TSPAN9: variants seen among roughly 807,000 people sequenced by gnomAD.
TSPAN9 encodes the protein tetraspanin 9.
A neutral mutation model predicts 31.0 loss-of-function variants in TSPAN9; 16 were observed. That is an observed-to-expected ratio of 0.52 (90% CI 0.35 to 0.78). TSPAN9 has a LOEUF of 0.78. TSPAN9 is among the 30% of genes least tolerant of loss of function. The pLI is 0.01. For synonymous variants in TSPAN9, 145 were observed against 121.6 expected, an observed-to-expected ratio of 1.19 and a Z score of -1.27; for missense variants, 272 against 312.5, an observed-to-expected ratio of 0.87 and a Z score of 0.98.
chr12:3,185,211 C>T (rs1454206275), intron 2 of TSPAN9, among the ~76,000 whole-genome samples: 4 of 152,118 alleles, frequency 2.6e-5, no homozygotes, highest in Admixed American at 6.5e-5. Context: ...GGAGACGGGG[C>T]GGGAGAAGGG....
At chr12:3,216,286 T>C (rs1298059262) in intron 3 of TSPAN9, among the ~76,000 whole-genome samples, 2 of 152,320 alleles carry the variant, frequency 1.3e-5, no homozygotes, top group Non-Finnish European at 1.5e-5. Context: ...AGCAGCCAGA[T>C]GGCTTTTGCT....
intron 3 of TSPAN9, among the ~76,000 whole-genome samples, chr12:3,230,375 C>T (rs1317783457): frequency 1.3e-5 from 2 of 152,074 alleles, no homozygotes; most frequent in African/African-American, 4.8e-5. Flanking sequence ...AGCCAGGCTT[C>T]CCCCTCCCTT....
intron 2 of TSPAN9, among the ~76,000 whole-genome samples, chr12:3,113,055 G>A (rs1360009350): frequency 1.3e-5 from 2 of 152,088 alleles, no homozygotes; most frequent in African/African-American, 2.4e-5. Flanking sequence ...GGAGCTATTC[G>A]ATGAATATTT....
chr12:3,177,751 A>G lies in TSPAN9; in HGVS notation c.-17-23426A>G, dbSNP rs571043362. On this transcript the variant is annotated intron_variant, in intron 2 of 8. Transcript: ENST00000011898. ...CCCAGCCTTAACCTGCTAGGTAAAC[A>G]GTGATGGCTTGGTTGTTTTAATTTG... Among the ~76,000 whole-genome samples the G allele has an allele frequency of 6.6e-5, 10 of 152,390 alleles. 1 individual carries two copies. In the South Asian group the frequency reaches 2.1e-3, roughly 32 times the overall value.
chr12:3,264,501 G>A (rs918990204), intron 3 of TSPAN9, among the ~76,000 whole-genome samples: 4 of 152,216 alleles, frequency 2.6e-5, no homozygotes, highest in Admixed American at 2.0e-4. Flanking sequence ...GCTGGGGACC[G>A]GCAGGACGGC....
chr12:3,083,220 C>A (rs35896418), intron 1 of TSPAN9, among the ~76,000 whole-genome samples: 17,499 of 152,216 alleles, frequency 0.11, 1,099 homozygotes, highest in Middle Eastern at 0.18. Flanking sequence ...GACCTCATAG[C>A]GTACGCGATG....
intron 2 of TSPAN9, among the ~76,000 whole-genome samples, chr12:3,180,889 TTATTC>T (rs1220679324): frequency 6.6e-6 from 1 of 152,116 alleles, no homozygotes; most frequent in African/African-American, 2.4e-5. Context: ...ATCCACGAAG[TTATTC>T]TATTTTTCTG....
At chr12:3,243,691 G>GT (rs1250750165) in intron 3 of TSPAN9, among the ~76,000 whole-genome samples, 1 of 152,114 alleles carries the variant, frequency 6.6e-6, no homozygotes, top group Non-Finnish European at 1.5e-5. Flanking sequence ...GGGTGACAGC[G>GT]TAGGGGTTGA....
chr12:3,255,270 G>T (rs1478981702), intron 3 of TSPAN9, among the ~76,000 whole-genome samples: 1 of 152,224 alleles, frequency 6.6e-6, no homozygotes, highest in African/African-American at 2.4e-5. Context: ...GCTGTGCATG[G>T]ACCTCATCTG....
At chr12:3,232,009 A>C (rs1040984624) in intron 3 of TSPAN9, among the ~76,000 whole-genome samples, 5 of 152,180 alleles carry the variant, frequency 3.3e-5, no homozygotes, top group Non-Finnish European at 7.3e-5. Flanking sequence ...GGAGGGATTA[A>C]GAGTCTGTAG....
intron 2 of TSPAN9, among the ~76,000 whole-genome samples, chr12:3,158,548 C>T (rs1237142228): frequency 6.6e-6 from 1 of 151,154 alleles, no homozygotes; most frequent in Non-Finnish European, 1.5e-5. Flanking sequence ...ATGGTGAAAT[C>T]CCATCTCTAC....
rs2098387889 is a variant in TSPAN9 at position 3,226,775 on chromosome 12, TATATATATATATATA to T, written c.63+25520_63+25534del. Among the ~76,000 whole-genome samples, 16 of 6,162 alleles carry T rather than the reference TATATATATATATATA, an allele frequency of 2.6e-3. 4 individuals carry two copies. The highest frequency in any genetic ancestry group is 7.6e-3 in the African/African-American group (14 of 1,840). The allele number at this position is 6,162 out of a possible 152,430, so 4.0% of individuals were successfully genotyped here. ...ATATATATATATATATATATATATA[TATATATATATATATA>T]TATATTTTTTTTTTTTTTTCCCTCT... On this transcript the variant is annotated intron_variant, in intron 3 of 8. Coordinates refer to ENST00000011898, the MANE Select transcript of TSPAN9 (RefSeq NM_006675.5).
intron 2 of TSPAN9, among the ~76,000 whole-genome samples, chr12:3,133,993 G>T (rs2098330966): frequency 6.6e-6 from 1 of 152,138 alleles, no homozygotes; most frequent in South Asian, 2.1e-4. Context: ...AGCGCTTAGG[G>T]CTGTTGTGAG....
intron 3 of TSPAN9, among the ~76,000 whole-genome samples, chr12:3,223,611 T>C (rs765350513): frequency 4.7e-4 from 72 of 152,170 alleles, no homozygotes; most frequent in Non-Finnish European, 7.9e-4. Context: ...AGTAAAAAAG[T>C]GAATCTGAGG....
intron 2 of TSPAN9, among the ~76,000 whole-genome samples, chr12:3,176,852 G>A (rs894946842): frequency 4.6e-5 from 7 of 152,176 alleles, no homozygotes; most frequent in Admixed American, 3.3e-4. Context: ...ACCAGAGCCC[G>A]TCTTTAAATA....
chr12:3,255,380 C>T lies in TSPAN9; in HGVS notation c.64-23041C>T, dbSNP rs573170765. Reference sequence around the variant, plus strand: ...CCCAGCAGCTGACTGGCTCTGCCCACGGCCACATCACGTAATGGGAGCAGC... The same window carrying T: ...CCCAGCAGCTGACTGGCTCTGCCCATGGCCACATCACGTAATGGGAGCAGC... On this transcript the variant is annotated intron_variant, in intron 3 of 8. Coordinates refer to ENST00000011898, the MANE Select transcript of TSPAN9 (RefSeq NM_006675.5). 1.1e-4 allele frequency among the ~76,000 whole-genome samples: 16 copies of T among 152,334 alleles called. No individual in the cohort carries two copies. In the South Asian group the frequency reaches 2.1e-3, roughly 20 times the overall value.
chr12:3,106,730 C>G (rs1475571918), intron 2 of TSPAN9, among the ~76,000 whole-genome samples: 2 of 152,128 alleles, frequency 1.3e-5, no homozygotes, highest in Non-Finnish European at 2.9e-5. Flanking sequence ...GTGACGGTGC[C>G]ACTGCACTCC....
chr12:3,139,931 C>T (rs548340255), intron 2 of TSPAN9, among the ~76,000 whole-genome samples: 2 of 152,344 alleles, frequency 1.3e-5, no homozygotes, highest in East Asian at 1.9e-4. Context: ...GTTGCACCCA[C>T]GTGGCCTCCC....
intron 2 of TSPAN9, among the ~76,000 whole-genome samples, chr12:3,191,141 G>A (rs2098364159): frequency 6.6e-6 from 1 of 152,180 alleles, no homozygotes; most frequent in Non-Finnish European, 1.5e-5. Flanking sequence ...CAGGGGATGA[G>A]GGGGAATTTG....
Sources: gnomAD v4.1 joint callset for allele counts (sites outside exome capture counted in the v4.1 genomes callset) on GRCh38, gnomAD v4.1.1 for gene constraint, MANE v1.5 for transcripts, NCBI Gene and HGNC (gene_info 2026-07-23, HGNC 2026-07-21) for gene names.